NALF1: variants seen among roughly 807,000 people sequenced by gnomAD.
NALF1 encodes the protein family with sequence similarity 155 member A.
Under a neutral mutation model 48.4 loss-of-function variants are expected in NALF1, and 3 were observed. The ratio of observed to expected loss-of-function variants is 0.06; its 90% confidence interval spans 0.03 to 0.16. NALF1 has a LOEUF of 0.16. Among genes scored for constraint, NALF1 ranks in the 10% least tolerant of loss-of-function variants. The probability of loss-of-function intolerance (pLI) is 1.00; values close to 1 mark genes in which losing one functional copy is unlikely to be tolerated. For missense variants in NALF1, 526 were observed against 571.5 expected, an observed-to-expected ratio of 0.92 and a Z score of 0.81; for synonymous variants, 262 against 245.7, an observed-to-expected ratio of 1.07 and a Z score of -0.62.
chr13:107,658,896 C>T (rs2138474688), intron 1 of NALF1, among the ~76,000 whole-genome samples: 1 of 152,102 alleles, frequency 6.6e-6, no homozygotes, highest in Non-Finnish European at 1.5e-5. Flanking sequence ...ATTGTTTGTT[C>T]AGTAGGTCCC....
At chr13:107,269,261 C>G (rs973490006) in intron 1 of NALF1, among the ~76,000 whole-genome samples, 1 of 151,624 alleles carries the variant, frequency 6.6e-6, no homozygotes, top group African/African-American at 2.4e-5. Flanking sequence ...GGGGGGTTCA[C>G]GAGAACTAAG....
intron 1 of NALF1, among the ~76,000 whole-genome samples, chr13:107,467,518 C>T (rs1885024239): frequency 6.6e-6 from 1 of 152,188 alleles, no homozygotes; most frequent in East Asian, 1.9e-4. Flanking sequence ...ATCCTACTTG[C>T]TCTTCTTGAG....
At chr13:107,838,664 A>G (rs1408667339) in intron 1 of NALF1, among the ~76,000 whole-genome samples, 1 of 152,124 alleles carries the variant, frequency 6.6e-6, no homozygotes, top group Non-Finnish European at 1.5e-5. Context: ...GATCTGTTTT[A>G]TTCAAGCTAT....
intron 1 of NALF1, among the ~76,000 whole-genome samples, chr13:107,479,443 A>T (rs766346163): frequency 6.6e-6 from 1 of 152,130 alleles, no homozygotes; most frequent in East Asian, 1.9e-4. Context: ...ATATCTATCA[A>T]AGAAGACTGA....
chr13:107,553,114 G>A (rs1877345649), intron 1 of NALF1, among the ~76,000 whole-genome samples: 1 of 151,840 alleles, frequency 6.6e-6, no homozygotes, highest in Non-Finnish European at 1.5e-5. Flanking sequence ...ACACAGGCAA[G>A]ATAAAAAAAG....
intron 1 of NALF1, among the ~76,000 whole-genome samples, chr13:107,659,108 C>CACAG (rs1880660651): frequency 4.0e-5 from 5 of 124,976 alleles, no homozygotes; most frequent in Non-Finnish European, 8.4e-5. Flanking sequence ...GACACACTGA[C>CACAG]ACACAGACAC....
chr13:107,404,277 C>G (rs1242633388), intron 1 of NALF1, among the ~76,000 whole-genome samples: 3 of 152,014 alleles, frequency 2.0e-5, no homozygotes, highest in Non-Finnish European at 2.9e-5. Context: ...CTGCTGAAAC[C>G]TGCATTAACC....
At chr13:107,251,764 G>T (rs1277447463) in intron 1 of NALF1, among the ~76,000 whole-genome samples, 2 of 152,120 alleles carry the variant, frequency 1.3e-5, no homozygotes, top group African/African-American at 4.8e-5. Flanking sequence ...TGTTTAAGTG[G>T]GTATTACACA....
At chr13:107,864,582 A>G (rs1594321481) in intron 1 of NALF1, among the ~76,000 whole-genome samples, 1 of 152,188 alleles carries the variant, frequency 6.6e-6, no homozygotes, top group Non-Finnish European at 1.5e-5. Context: ...TTTCCCTTGA[A>G]AAGCAGTACC....
intron 1 of NALF1, among the ~76,000 whole-genome samples, chr13:107,862,254 T>C (rs1326933502): frequency 1.3e-5 from 2 of 152,136 alleles, no homozygotes; most frequent in African/African-American, 4.8e-5. Context: ...TTTATATTCA[T>C]TTGCAAGAAT....
chr13:107,794,431 A>G (rs1431969105), intron 1 of NALF1, among the ~76,000 whole-genome samples: 1 of 151,260 alleles, frequency 6.6e-6, no homozygotes, highest in Non-Finnish European at 1.5e-5. Flanking sequence ...AATGTTAATG[A>G]TGACAGGGTA....
chr13:107,472,469 G>A (rs752355003), intron 1 of NALF1, among the ~76,000 whole-genome samples: 22 of 152,124 alleles, frequency 1.4e-4, no homozygotes, highest in Admixed American at 3.3e-4. Flanking sequence ...GGAGATTAAC[G>A]TTTGTGTCAG....
intron 1 of NALF1, among the ~76,000 whole-genome samples, chr13:107,399,214 G>T (rs964044526): frequency 6.6e-6 from 1 of 152,036 alleles, no homozygotes; most frequent in African/African-American, 2.4e-5. Context: ...GGAGGTAGGG[G>T]GTTGTATACA....
chr13:107,297,146 T>C (rs1475198430), intron 1 of NALF1, among the ~76,000 whole-genome samples: 1 of 152,094 alleles, frequency 6.6e-6, no homozygotes, highest in Non-Finnish European at 1.5e-5. Context: ...CCTCCACAAT[T>C]TTTATTACAA....
chr13:107,584,274 T>C (rs1300847862), intron 1 of NALF1, among the ~76,000 whole-genome samples: 1 of 152,146 alleles, frequency 6.6e-6, no homozygotes, highest in African/African-American at 2.4e-5. Flanking sequence ...ATCACAGTTA[T>C]TTAAGAGATT....
intron 1 of NALF1, among the ~76,000 whole-genome samples, chr13:107,338,154 A>C (rs963221921): frequency 6.6e-5 from 10 of 152,220 alleles, no homozygotes; most frequent in African/African-American, 2.4e-4. Context: ...TACTTCATTT[A>C]AAATAATAAT....
At chr13:107,244,495 T>G (rs1472337645) in intron 1 of NALF1, among the ~76,000 whole-genome samples, 2 of 152,214 alleles carry the variant, frequency 1.3e-5, no homozygotes, top group African/African-American at 4.8e-5. Context: ...ACTGATGAGT[T>G]TTCTGCAAGG....
chr13:107,539,731 G>C (rs1876945677), intron 1 of NALF1, among the ~76,000 whole-genome samples: 1 of 152,000 alleles, frequency 6.6e-6, no homozygotes, highest in Non-Finnish European at 1.5e-5. Flanking sequence ...GACTTGCAAT[G>C]GCTCTTTGAA....
chr13:107,323,533 A>G (rs1882295831), intron 1 of NALF1, among the ~76,000 whole-genome samples: 1 of 151,910 alleles, frequency 6.6e-6, no homozygotes, highest in South Asian at 2.1e-4. Flanking sequence ...AGCGCTTTTT[A>G]AAAACACAAA....
Sources: allele counts gnomAD v4.1 joint callset (sites outside exome capture counted in the v4.1 genomes callset), GRCh38; gene constraint gnomAD v4.1.1; transcripts MANE v1.5; gene names NCBI Gene and HGNC (gene_info 2026-07-23, HGNC 2026-07-21).